The following ADAM10 variants were observed in gnomAD, a reference collection of about 807,000 sequenced individuals.
ADAM10 encodes disintegrin and metalloproteinase domain-containing protein 10.
ADAM10 carries 17 observed loss-of-function variants against 90.1 expected under a neutral mutation model. The observed-to-expected ratio is 0.19, with a 90% CI of 0.13 to 0.28. ADAM10 has a LOEUF of 0.28. Ranked by LOEUF, ADAM10 falls within the 10% of genes least tolerant of loss-of-function variation. The pLI, the probability that ADAM10 is intolerant of heterozygous loss-of-function variation, is 1.00. For synonymous variants in ADAM10, 310 were observed against 298.6 expected, an observed-to-expected ratio of 1.04 and a Z score of -0.40; for missense variants, 610 against 914.3, an observed-to-expected ratio of 0.67 and a Z score of 4.29.
In ADAM10 at chr15:58,592,990, TAAGA is replaced by T. The variant is rs1346729009; in HGVS notation, c.*4553_*4556del. On this transcript the variant is annotated 3_prime_UTR_variant, in exon 16 of 16. Transcript: ENST00000260408. ...CATGTCCAAACAATGGGAAATTGGT[TAAGA>T]AAAAAAAAAACATACATCCACAGAA... 6.7e-6 allele frequency: 1 copy of T among 148,470 alleles called. No homozygotes were observed. The highest frequency in any genetic ancestry group is 1.5e-5 in the Non-Finnish European group (1 of 67,230). 9.2% of individuals were successfully genotyped at this position (148,470 alleles called of 1,614,324 possible).
intron 2 of ADAM10, among the ~76,000 whole-genome samples, chr15:58,682,538 G>A (rs568488869): frequency 6.6e-5 from 10 of 152,006 alleles, no homozygotes; most frequent in Admixed American, 6.6e-4. Flanking sequence ...TAACTGTCTA[G>A]GATGTTAAAA....
intron 5 of ADAM10, among the ~76,000 whole-genome samples, chr15:58,647,017 C>T (rs1340127055): frequency 6.6e-6 from 1 of 152,076 alleles, no homozygotes; most frequent in Non-Finnish European, 1.5e-5. Context: ...TCCTTCTTTC[C>T]TTAGACTTCG....
At chr15:58,696,132 A>T (rs529046983) in intron 2 of ADAM10, among the ~76,000 whole-genome samples, 2 of 152,020 alleles carry the variant, frequency 1.3e-5, no homozygotes, top group African/African-American at 4.8e-5. Flanking sequence ...TTAAAATAAA[A>T]ATACAAAAAT....
At chr15:58,713,074 G>A (rs1305107808) in intron 2 of ADAM10, among the ~76,000 whole-genome samples, 1 of 152,074 alleles carries the variant, frequency 6.6e-6, no homozygotes, top group Non-Finnish European at 1.5e-5. Context: ...CTGTTTCCTA[G>A]TATCTATGTA....
chr15:58,743,707 C>T (rs559614341), intron 1 of ADAM10, among the ~76,000 whole-genome samples: 65 of 152,136 alleles, frequency 4.3e-4, no homozygotes, highest in Admixed American at 9.8e-4. Context: ...CGGGTTCAAG[C>T]GATTCTCCTG....
Position 58,729,980 on chromosome 15 carries a change from CAAAAACAAAACAAACAAACAAACAAAAA to C in ADAM10, c.56-12281_56-12254del, listed in dbSNP as rs1899177944. On this transcript the variant is annotated intron_variant, in intron 1 of 15. Coordinates refer to ENST00000260408, the MANE Select transcript of ADAM10 (RefSeq NM_001110.4). ...CTGTAAAAAAAAACAAAAACAAAAA[CAAAAACAAAACAAACAAACAAACAAAAA>C]AAAAAACTCATTGAAGCACTTTAGA... 2.1e-4 allele frequency among the ~76,000 whole-genome samples: 27 copies of C among 125,758 alleles called. 2 individuals are homozygous for C. In the South Asian group the frequency reaches 8.1e-3, roughly 38 times the overall value. The allele number at this position is 125,758 out of a possible 152,430, so 82.5% of individuals were successfully genotyped here. A position where few individuals can be genotyped will look rare whatever the true frequency, so the allele number is the denominator to read the frequency against.
intron 4 of ADAM10, among the ~76,000 whole-genome samples, chr15:58,675,769 T>A (rs1043142124): frequency 2.6e-5 from 4 of 152,214 alleles, no homozygotes; most frequent in African/African-American, 9.7e-5. Context: ...AATAGCAGTA[T>A]CATTTTTCAT....
At chr15:58,610,732 G>A in intron 13 of ADAM10, 1 of 652,440 alleles carries the variant, frequency 1.5e-6, no homozygotes, top group South Asian at 1.8e-5. Flanking sequence ...TTGACTCAGT[G>A]TCCACGATGA....
intron 11 of ADAM10, among the ~76,000 whole-genome samples, chr15:58,619,189 C>T (rs1052663625): frequency 2.6e-5 from 4 of 151,742 alleles, no homozygotes; most frequent in East Asian, 1.9e-4. Flanking sequence ...ATAACATGAA[C>T]GGAAATAGAA....
At chr15:58,612,883 A>G (rs1297597039) in intron 11 of ADAM10, among the ~76,000 whole-genome samples, 6 of 152,212 alleles carry the variant, frequency 3.9e-5, no homozygotes, top group African/African-American at 1.4e-4. Context: ...CTTGCCAGAC[A>G]GTAAACATGC....
At chr15:58,603,876 T>TAAAA (rs34718794) in intron 14 of ADAM10, among the ~76,000 whole-genome samples, 3 of 72,060 alleles carry the variant, frequency 4.2e-5, no homozygotes, top group African/African-American at 1.6e-4. Flanking sequence ...GGTCCAGGGT[T>TAAAA]AAAAAAAAAA....
chr15:58,594,268 A>C lies in ADAM10; in HGVS notation c.*3279T>G, dbSNP rs1894894164. On this transcript the variant is annotated 3_prime_UTR_variant, in exon 16 of 16. Transcript: ENST00000260408. ...ACTGTCCAGGTTTGTAATGCTTGAC[A>C]CTCTGATACCTTCAATTAGAAATAC... 6.6e-6 allele frequency: 1 copy of C among 152,080 alleles called. No homozygotes were observed. The highest frequency in any genetic ancestry group is 2.4e-5 in the African/African-American group (1 of 41,402). The allele number at this position is 152,080 out of a possible 1,614,324, so 9.4% of individuals were successfully genotyped here. A position where few individuals can be genotyped will look rare whatever the true frequency, so the allele number is the denominator to read the frequency against.
At chr15:58,613,005 G>A (rs139492772) in intron 11 of ADAM10, among the ~76,000 whole-genome samples, 7 of 152,286 alleles carry the variant, frequency 4.6e-5, no homozygotes, top group African/African-American at 1.4e-4. Context: ...GCAGGTGCTC[G>A]TAGGCCATGT....
chr15:58,675,062 G>A (rs1897281029), intron 4 of ADAM10, among the ~76,000 whole-genome samples: 1 of 152,192 alleles, frequency 6.6e-6, no homozygotes, highest in Non-Finnish European at 1.5e-5. Flanking sequence ...TGGGCGTGAT[G>A]GCACATGCCT....
intron 1 of ADAM10, among the ~76,000 whole-genome samples, chr15:58,743,831 C>G (rs546264630): frequency 1.1e-4 from 17 of 152,324 alleles, no homozygotes; most frequent in African/African-American, 4.1e-4. Context: ...GTCTCGAACT[C>G]CTGACCTTTC....
rs536587587 is a variant in ADAM10 at position 58,614,400 on chromosome 15, G to A, written c.1512-2409C>T. Among the ~76,000 whole-genome samples, 273 of 152,086 alleles carry A rather than the reference G, an allele frequency of 1.8e-3. 1 individual carries two copies. The highest frequency in any genetic ancestry group is 6.1e-3 in the African/African-American group (254 of 41,500). On this transcript the variant is annotated intron_variant, in intron 11 of 15. Coordinates refer to ENST00000260408, the MANE Select transcript of ADAM10 (RefSeq NM_001110.4). ...TATAGTCAAATTGTCAAAAGTCAAG[G>A]ACATAGAGAATTCTAAAAAAAACAG...
At chr15:58,650,939 CTT>C (rs1318722125) in intron 5 of ADAM10, among the ~76,000 whole-genome samples, 8 of 151,726 alleles carry the variant, frequency 5.3e-5, no homozygotes, top group African/African-American at 1.9e-4. Flanking sequence ...TTTAAGGTGT[CTT>C]TTATTTTTAA....
At chr15:58,688,454 A>G (rs1897669385) in intron 2 of ADAM10, among the ~76,000 whole-genome samples, 1 of 151,716 alleles carries the variant, frequency 6.6e-6, no homozygotes, top group Admixed American at 6.6e-5. Context: ...ATTAAAAAAA[A>G]CAAGGGGTAA....
At chr15:58,609,973 CA>C (rs201883204) in intron 14 of ADAM10, 278 of 287,148 alleles carry the variant, frequency 9.7e-4, no homozygotes, top group South Asian at 1.5e-3. Context: ...TGAAAAACAA[CA>C]AAAAAAAATG....
Sources: allele counts gnomAD v4.1 joint callset (sites outside exome capture counted in the v4.1 genomes callset), GRCh38; gene constraint gnomAD v4.1.1; transcripts MANE v1.5; gene names NCBI Gene and HGNC (gene_info 2026-07-23, HGNC 2026-07-21).